Variants in ARFIP1 observed in about 807,000 individuals in gnomAD.
The protein encoded by ARFIP1 is arfaptin-1.
A neutral mutation model predicts 42.5 loss-of-function variants in ARFIP1; 24 were observed. The observed-to-expected ratio is 0.57, with a 90% CI of 0.41 to 0.80. The LOEUF (loss-of-function observed/expected upper bound fraction) is 0.80, where lower values mean the gene tolerates loss of function less well. Ranked by LOEUF, ARFIP1 falls within the 30% of genes least tolerant of loss-of-function variation. The pLI is 0.00. For missense variants in ARFIP1, 354 were observed against 434.0 expected (o/e 0.82, Z 1.64); for synonymous variants, 141 against 153.7 (o/e 0.92, Z 0.61).
intron 7 of ARFIP1, among the ~76,000 whole-genome samples, chr4:152,886,600 A>G (rs562701281): frequency 6.6e-6 from 1 of 152,138 alleles, no homozygotes; most frequent in Non-Finnish European, 1.5e-5. Flanking sequence ...TGTCTGAGAT[A>G]CCTTTTCAGA....
intron 1 of ARFIP1, among the ~76,000 whole-genome samples, chr4:152,794,618 TCTC>T (rs1311971078): frequency 1.3e-5 from 2 of 152,180 alleles, no homozygotes; most frequent in African/African-American, 4.8e-5. Flanking sequence ...AAATCCTGTT[TCTC>T]CTCAAACTAT....
intron 1 of ARFIP1, among the ~76,000 whole-genome samples, chr4:152,824,901 C>G (rs1168345993): frequency 6.6e-6 from 1 of 151,888 alleles, no homozygotes; most frequent in Non-Finnish European, 1.5e-5. Context: ...CAACAACAGC[C>G]AAGCAGAGAA....
chr4:152,870,472 G>C (rs922848174), intron 3 of ARFIP1, among the ~76,000 whole-genome samples: 9 of 152,242 alleles, frequency 5.9e-5, no homozygotes, highest in African/African-American at 1.4e-4. Flanking sequence ...AAATAGTAGA[G>C]TCCAGTTAAA....
chr4:152,814,486 G>A (rs1056160581), intron 1 of ARFIP1, among the ~76,000 whole-genome samples: 3 of 152,116 alleles, frequency 2.0e-5, no homozygotes, highest in Non-Finnish European at 4.4e-5. Context: ...GAGGTGGGAG[G>A]ATCATTTGAA....
intron 1 of ARFIP1, among the ~76,000 whole-genome samples, chr4:152,816,234 C>G (rs1212302517): frequency 1.3e-5 from 2 of 152,214 alleles, no homozygotes; most frequent in African/African-American, 4.8e-5. Context: ...CCCCACTGTT[C>G]AAAACTCTCA....
chr4:152,889,809 CTATATATATACTATA>C lies in ARFIP1; in HGVS notation c.966+1507_966+1521del, dbSNP rs1561173725. 6.0e-4 allele frequency among the ~76,000 whole-genome samples: 64 copies of C among 107,192 alleles called. 1 individual carries two copies. The highest frequency in any genetic ancestry group is 1.2e-4 in the Non-Finnish European group (7 of 56,414). The allele number at this position is 107,192 out of a possible 152,430, so 70.3% of individuals were successfully genotyped here. On this transcript the variant is annotated intron_variant, in intron 8 of 8. Transcript: ENST00000353617. ...TATATATTATATACTATACTATATA[CTATATATATACTATA>C]TATACTATATACTATATATATACTA...
intron 2 of ARFIP1, among the ~76,000 whole-genome samples, chr4:152,837,173 C>T (rs1195104667): frequency 6.6e-6 from 1 of 152,140 alleles, no homozygotes; most frequent in Non-Finnish European, 1.5e-5. Context: ...TTTATATACT[C>T]ATTGATTGAT....
chr4:152,803,390 A>T (rs1255052384), intron 1 of ARFIP1, among the ~76,000 whole-genome samples: 2 of 152,140 alleles, frequency 1.3e-5, no homozygotes, highest in Admixed American at 1.3e-4. Context: ...GACACTATTG[A>T]CATATTTGGG....
intron 1 of ARFIP1, among the ~76,000 whole-genome samples, chr4:152,826,068 A>G (rs1388943952): frequency 6.6e-6 from 1 of 152,044 alleles, no homozygotes; most frequent in African/African-American, 2.4e-5. Flanking sequence ...AACAGTATGT[A>G]GAGATCTCAA....
intron 8 of ARFIP1, among the ~76,000 whole-genome samples, chr4:152,890,385 A>G (rs922943316): frequency 1.3e-5 from 2 of 152,146 alleles, no homozygotes; most frequent in African/African-American, 4.8e-5. Flanking sequence ...GATGAATGTT[A>G]CTTCTGATTT....
chr4:152,817,166 A>G (rs1484697048), intron 1 of ARFIP1, among the ~76,000 whole-genome samples: 1 of 152,168 alleles, frequency 6.6e-6, no homozygotes, highest in African/African-American at 2.4e-5. Flanking sequence ...GCGTAATTTG[A>G]AAAGGTAGTG....
intron 1 of ARFIP1, among the ~76,000 whole-genome samples, chr4:152,811,387 G>A (rs1417455163): frequency 6.6e-6 from 1 of 151,822 alleles, no homozygotes; most frequent in East Asian, 1.9e-4. Context: ...TATAGTGTGT[G>A]GTATCTCTGA....
chr4:152,907,952 C>T (rs947995910), intron 8 of ARFIP1, among the ~76,000 whole-genome samples: 2 of 152,134 alleles, frequency 1.3e-5, no homozygotes, highest in Non-Finnish European at 2.9e-5. Context: ...TTTACTAGTT[C>T]GTGCCAGATT....
At chr4:152,783,311 A>G (rs904186783) in intron 1 of ARFIP1, among the ~76,000 whole-genome samples, 1 of 152,216 alleles carries the variant, frequency 6.6e-6, no homozygotes, top group African/African-American at 2.4e-5. Context: ...CTCCATCTCA[A>G]AAACAACATC....
intron 1 of ARFIP1, among the ~76,000 whole-genome samples, chr4:152,818,975 C>G (rs1282480626): frequency 6.6e-6 from 1 of 152,158 alleles, no homozygotes; most frequent in African/African-American, 2.4e-5. Flanking sequence ...GTGCTCGTAC[C>G]TGGGGAGCCA....
At position 152,809,029 on chromosome 4, in the gene ARFIP1, G is replaced by C. The variant is rs568222903; in HGVS notation, c.-9-20596G>C. On this transcript the variant is annotated intron_variant, in intron 1 of 8. Coordinates refer to ENST00000353617, the MANE Select transcript of ARFIP1 (RefSeq NM_001025595.3). ...ATTGCACCACTGCATTCCAGCCTGG[G>C]CGACAGAGGAAGACCCGTCTCAAAA... Among the ~76,000 whole-genome samples, 4 of 152,280 alleles carry C rather than the reference G, an allele frequency of 2.6e-5. No homozygotes were observed. In the East Asian group the frequency reaches 7.7e-4, roughly 29 times the overall value.
intron 1 of ARFIP1, among the ~76,000 whole-genome samples, chr4:152,812,315 C>CAGGAA (rs985699942): frequency 9.8e-5 from 15 of 152,312 alleles, no homozygotes; most frequent in African/African-American, 3.4e-4. Flanking sequence ...CCACCTCAGC[C>CAGGAA]TCCTGAGTAG....
intron 2 of ARFIP1, among the ~76,000 whole-genome samples, chr4:152,856,964 C>T (rs1233973405): frequency 2.6e-5 from 4 of 152,096 alleles, no homozygotes; most frequent in Non-Finnish European, 5.9e-5. Flanking sequence ...GAAAGGAATG[C>T]TAATATTTAA....
chr4:152,815,385 C>T (rs936350155), intron 1 of ARFIP1, among the ~76,000 whole-genome samples: 1 of 152,122 alleles, frequency 6.6e-6, no homozygotes, highest in African/African-American at 2.4e-5. Flanking sequence ...TCTAGGTGAT[C>T]TCATCCAGTC....
Sources: gnomAD v4.1 joint callset for allele counts (sites outside exome capture counted in the v4.1 genomes callset) on GRCh38, gnomAD v4.1.1 for gene constraint, MANE v1.5 for transcripts, NCBI Gene and HGNC (gene_info 2026-07-23, HGNC 2026-07-21) for gene names.